PCNT: variants seen among roughly 807,000 people sequenced by gnomAD.
The protein encoded by PCNT is kendrin.
PCNT carries 319 observed loss-of-function variants against 380.4 expected under a neutral mutation model. The ratio of observed to expected loss-of-function variants is 0.84; its 90% CI spans 0.77 to 0.92. The LOEUF is 0.92. Ranked by LOEUF, PCNT falls within the 40% of genes least tolerant of loss-of-function variation. The pLI, the probability that PCNT is intolerant of heterozygous loss-of-function variation, is 0.00. For synonymous variants in PCNT, 1,845 were observed against 1,735.2 expected, an observed-to-expected ratio of 1.06 and a Z score of -1.57; for missense variants, 4,400 against 4,255.3, an observed-to-expected ratio of 1.03 and a Z score of -0.95.
Position 46,397,269 on chromosome 21 carries a change from C to G in PCNT, c.4221C>G (p.Leu1407=). Residue 1407 remains leucine, a synonymous_variant, in exon 22 of 47, where the codon CTC becomes CTG. Transcript: ENST00000359568. ...CTGTCCTGTTTGCATCCTTAGCTCTCCGGAAGGAAGTGGAGGATCTGACCA... is the reference window on the plus strand; with the variant it reads ...CTGTCCTGTTTGCATCCTTAGCTCTGCGGAAGGAAGTGGAGGATCTGACCA... ...ATDAEAREAA[L]RKEVEDLTKE... 6.2e-7 allele frequency: 1 copy of G among 1,613,896 alleles called. No individual in the cohort carries two copies. The highest frequency in any genetic ancestry group is 8.5e-7 in the Non-Finnish European group (1 of 1,179,828).
At chr21:46,380,145 ATTTTTTTTTTTTTTTTTTTTT>A (rs552854585) in intron 15 of PCNT, among the ~76,000 whole-genome samples, 48 of 59,716 alleles carry the variant, frequency 8.0e-4, no homozygotes, top group South Asian at 1.6e-3. Flanking sequence ...CCTGGGGTAG[ATTTTTTTTTTTTTTTTTTTTT>A]TTTTTTTTTT....
chr21:46,412,627 G>A (rs1163287833), intron 28 of PCNT, among the ~76,000 whole-genome samples: 1 of 152,184 alleles, frequency 6.6e-6, no homozygotes, highest in Non-Finnish European at 1.5e-5. Flanking sequence ...CTGTGGGGTC[G>A]TCCTGGGTCG....
chr21:46,354,263 G>T (rs1175355048), intron 11 of PCNT, among the ~76,000 whole-genome samples, 195 bp downstream of exon 11: 1 of 152,222 alleles, frequency 6.6e-6, no homozygotes, highest in Non-Finnish European at 1.5e-5. Context: ...CAGGAAAGGG[G>T]GTGGCCGGGG....
intron 3 of PCNT, among the ~76,000 whole-genome samples, chr21:46,343,924 C>G (rs530582146): frequency 1.1e-3 from 167 of 152,212 alleles, no homozygotes; most frequent in Non-Finnish European, 2.0e-3. Flanking sequence ...TCATAGTGGC[C>G]TTGAGTGATC....
At chr21:46,366,516 T>A in intron 14 of PCNT, 68 bp from the exon 15 acceptor site, 1 of 1,332,736 alleles carries the variant, frequency 7.5e-7, no homozygotes, top group Non-Finnish European at 1.1e-6. Flanking sequence ...GAAACTGACT[T>A]GGCTTTTGCA....
chr21:46,363,513 G>A lies in PCNT; in HGVS notation c.2188G>A (p.Glu730Lys), dbSNP rs761005255. The change falls in exon 14 of 47, where the codon GAA becomes AAA. Residue 730 changes from glutamate (E) to lysine (K), a missense_variant. By Grantham distance (56) the Glu-to-Lys change is moderately conservative. Transcript: ENST00000359568. ...KHNLIEDHQK[E>K]LNNAKQKTEL... is the part of the protein sequence containing the mutation. Reference sequence around the variant, plus strand: ...CAATCTAATTGAAGACCACCAGAAGGAACTAAATAATGCTAAGCAAAAGAC... The same window carrying A: ...CAATCTAATTGAAGACCACCAGAAGAAACTAAATAATGCTAAGCAAAAGAC... 1.2e-6 allele frequency: 2 copies of A among 1,613,912 alleles called. No individual in the cohort carries two copies. Among genetic ancestry groups the A allele is most frequent in the Admixed American group, 1.7e-5 (1 of 60,018 alleles).
chr21:46,381,627 C>A, intron 15 of PCNT, 67 bp from the exon 16 acceptor site: 1 of 1,475,538 alleles, frequency 6.8e-7, no homozygotes, highest in Non-Finnish European at 9.5e-7. Context: ...GTGCTGAATT[C>A]CGGCTAACAG....
chr21:46,385,220 G>A (rs974042644), intron 16 of PCNT, among the ~76,000 whole-genome samples: 4 of 152,176 alleles, frequency 2.6e-5, no homozygotes, highest in South Asian at 4.1e-4. Context: ...GCCGTGTGTG[G>A]TGGCACGCAC....
intron 15 of PCNT, among the ~76,000 whole-genome samples, chr21:46,380,031 T>C (rs759967457): frequency 1.7e-4 from 26 of 151,984 alleles, no homozygotes; most frequent in Non-Finnish European, 3.1e-4. Flanking sequence ...TTCTCAAGTG[T>C]TTTCTTTTGT....
At chr21:46,411,167 C>T (rs759661651) in intron 27 of PCNT, 22 bp from the exon 28 acceptor site, 10 of 1,611,860 alleles carry the variant, frequency 6.2e-6, no homozygotes, top group Non-Finnish European at 8.5e-6. Context: ...TAATTTGCCT[C>T]TGAAATGTCC....
intron 19 of PCNT, 51 bp from the exon 20 acceptor site, chr21:46,390,619 G>C: frequency 6.3e-7 from 1 of 1,594,632 alleles, no homozygotes; most frequent in Non-Finnish European, 8.6e-7. Flanking sequence ...CTTAATGTAG[G>C]CTTCAGTTAT....
Position 46,385,830 on chromosome 21 carries a change from A to T in PCNT, c.3313-2A>T. 1 of 1,614,200 alleles carries T rather than the reference A, an allele frequency of 6.2e-7. No homozygotes were observed. The highest frequency in any genetic ancestry group is 8.5e-7 in the Non-Finnish European group (1 of 1,180,008). ...GAAAGCTTTAACCATTTTTCTCGAT[A>T]GCTGAAAGACCAGGTTTTATCCTTA... On this transcript the variant is annotated splice_acceptor_variant, in intron 16 of 46. Coordinates refer to ENST00000359568, the MANE Select transcript of PCNT (RefSeq NM_006031.6). LOFTEE classifies it high-confidence loss of function.
Position 46,396,356 on chromosome 21 carries a change from A to C in PCNT, c.4217-909A>C, listed in dbSNP as rs183420734. ...GGTGAGGTACCCATCTCTGCTTCTA[A>C]GGCAGAGCCTTGCACACTGTATCCT... On this transcript the variant is annotated intron_variant, in intron 21 of 46. Coordinates refer to ENST00000359568, the MANE Select transcript of PCNT (RefSeq NM_006031.6). 1.9e-3 allele frequency among the ~76,000 whole-genome samples: 284 copies of C among 152,300 alleles called. 2 individuals are homozygous for C. The highest frequency in any genetic ancestry group is 6.5e-3 in the African/African-American group (272 of 41,556).
chr21:46,391,573 G>T (rs896081547), intron 21 of PCNT, among the ~76,000 whole-genome samples, 197 bp downstream of exon 21: 92 of 152,352 alleles, frequency 6.0e-4, no homozygotes, highest in African/African-American at 2.2e-3. Context: ...TGCCCTTTCA[G>T]AGAAGGCGGG....
chr21:46,442,648 T>C (rs2053639775), intron 44 of PCNT, 75 bp downstream of exon 44: 1 of 972,456 alleles, frequency 1.0e-6, no homozygotes, highest in Non-Finnish European at 1.7e-6. Flanking sequence ...TCACTTTGGG[T>C]CATTTTTCAG....
intron 3 of PCNT, among the ~76,000 whole-genome samples, chr21:46,344,927 T>A (rs1244572469): frequency 6.6e-6 from 1 of 152,264 alleles, no homozygotes; most frequent in Non-Finnish European, 1.5e-5. Context: ...CTGATTCTGA[T>A]GTTGGTAGCA....
intron 2 of PCNT, among the ~76,000 whole-genome samples, chr21:46,331,039 T>A (rs1011103191): frequency 2.1e-5 from 3 of 139,834 alleles, no homozygotes; most frequent in Admixed American, 6.9e-5. Context: ...TGTGTGTGTG[T>A]GAGAGTGTGT....
In PCNT at chr21:46,363,839, G is replaced by C. The variant is rs781715678; in HGVS notation, c.2514G>C (p.Gln838His). ...CAGACGACGCCCTGCATTGCAGCCA[G>C]TGTGGGCGGGAGCCGCCCACAGCCC... Reference protein sequence around the residue: ...LTSDDALHCSQCGREPPTAQD... With the variant: ...LTSDDALHCSHCGREPPTAQD... The change falls in exon 14 of 47, where the codon CAG becomes CAC. Residue 838 changes from glutamine (Q) to histidine (H), a missense_variant. Physicochemically the swap from Gln to His is conservative, Grantham distance 24. Transcript: ENST00000359568. The C allele has an allele frequency of 6.2e-7, 1 of 1,612,208 alleles. No homozygotes were observed. Among genetic ancestry groups the C allele is most frequent in the South Asian group, 1.1e-5 (1 of 91,018 alleles).
rs201685331 is a variant in PCNT, at chr21:46,432,232, G to A, written c.8751+17G>A. ...GAGAAGCTGGTGAGAGCCGCCTGCC[G>A]GCGGAGCGTCCACACCTAAAAACGA... On this transcript the variant is annotated intron_variant, in intron 38 of 46. Transcript: ENST00000359568. 188 of 1,595,480 alleles carry A rather than the reference G, an allele frequency of 1.2e-4. 1 individual carries two copies. In the African/African-American group the frequency reaches 2.1e-3, roughly 17 times the overall value.
Sources: gnomAD v4.1 joint callset for allele counts (sites outside exome capture counted in the v4.1 genomes callset) on GRCh38, gnomAD v4.1.1 for gene constraint, MANE v1.5 for transcripts, NCBI Gene and HGNC (gene_info 2026-07-23, HGNC 2026-07-21) for gene names.